ARHGAP44: variants seen among roughly 807,000 people sequenced by gnomAD.
The protein encoded by ARHGAP44 is rho GTPase-activating protein 44.
In ARHGAP44, 43 loss-of-function variants were observed where a neutral mutation model predicts 106.8. That is an observed-to-expected ratio of 0.40 (90% CI 0.32 to 0.52). ARHGAP44 has a LOEUF of 0.52. ARHGAP44 is among the 20% of genes least tolerant of loss of function. ARHGAP44 has a pLI of 0.48. For missense variants in ARHGAP44, 866 were observed against 1,050.5 expected (o/e 0.82, Z 2.43); for synonymous variants, 439 against 410.3 (o/e 1.07, Z -0.85).
At chr17:12,979,930 A>G in intron 18 of ARHGAP44, 128 bp from the exon 19 acceptor site, 1 of 1,053,432 alleles carries the variant, frequency 9.5e-7, no homozygotes, top group Non-Finnish European at 1.3e-6. Context: ...GAAGGGGCCA[A>G]GACAGACCAG....
At chr17:12,950,950 A>G (rs922716685) in intron 12 of ARHGAP44, among the ~76,000 whole-genome samples, 2 of 152,168 alleles carry the variant, frequency 1.3e-5, no homozygotes, top group African/African-American at 4.8e-5. Context: ...TTTTTGAAGA[A>G]CTGGGCCTGA....
At chr17:12,873,556 A>G (rs557649826) in intron 1 of ARHGAP44, among the ~76,000 whole-genome samples, 1 of 152,348 alleles carries the variant, frequency 6.6e-6, no homozygotes, top group South Asian at 2.1e-4. Flanking sequence ...CTGCAAGTAT[A>G]TGAAACTAGA....
Position 12,990,895 on chromosome 17 carries a change from G to C in ARHGAP44, c.*724G>C, listed in dbSNP as rs559091106. On this transcript the variant is annotated 3_prime_UTR_variant, in exon 21 of 21. Transcript: ENST00000379672. ...CAAACAAGCCTGACAGTGTCTGGAGGAGCCAAAGGTGGCCTCCCTGTCCCC... is the reference window on the plus strand; with the variant it reads ...CAAACAAGCCTGACAGTGTCTGGAGCAGCCAAAGGTGGCCTCCCTGTCCCC... The C allele has an allele frequency of 1.3e-5, 2 of 152,572 alleles. No individual in the cohort carries two copies. The highest frequency in any genetic ancestry group is 4.8e-5 in the African/African-American group (2 of 41,552). 9.5% of individuals were successfully genotyped at this position (152,572 alleles called of 1,614,324 possible).
At chr17:12,989,544 T>C (rs936467986) in intron 20 of ARHGAP44, among the ~76,000 whole-genome samples, 1 of 152,288 alleles carries the variant, frequency 6.6e-6, no homozygotes, top group East Asian at 1.9e-4. Flanking sequence ...ACTCCACCCA[T>C]GTCAGCCATC....
intron 10 of ARHGAP44, among the ~76,000 whole-genome samples, chr17:12,944,735 T>C (rs1567700882): frequency 6.6e-6 from 1 of 151,532 alleles, no homozygotes; most frequent in Admixed American, 6.6e-5. Context: ...GTGATCCACC[T>C]GCCATGGCCT....
intron 16 of ARHGAP44, among the ~76,000 whole-genome samples, chr17:12,960,756 G>A (rs2039242939): frequency 1.3e-5 from 2 of 151,740 alleles, no homozygotes; most frequent in Admixed American, 6.6e-5. Flanking sequence ...TAGAGATGGG[G>A]TTTTACCATG....
intron 3 of ARHGAP44, among the ~76,000 whole-genome samples, chr17:12,902,268 C>T (rs1209886464): frequency 6.6e-6 from 1 of 152,124 alleles, no homozygotes; most frequent in Admixed American, 6.5e-5. Context: ...TCACACTCCT[C>T]TTGGGCCATT....
chr17:12,953,723 C>T (rs1367517462), intron 13 of ARHGAP44, among the ~76,000 whole-genome samples: 1 of 152,092 alleles, frequency 6.6e-6, no homozygotes, highest in Non-Finnish European at 1.5e-5. Flanking sequence ...GGACGTTATG[C>T]TATGTGAAAG....
At chr17:12,901,645 G>C (rs893125192) in intron 3 of ARHGAP44, among the ~76,000 whole-genome samples, 5 of 152,086 alleles carry the variant, frequency 3.3e-5, no homozygotes, top group African/African-American at 1.2e-4. Flanking sequence ...CCAAGTGACT[G>C]TTGAATCCAT....
At chr17:12,985,133 G>T (rs2039928438) in intron 20 of ARHGAP44, 3 of 546,960 alleles carry the variant, frequency 5.5e-6, no homozygotes, top group Non-Finnish European at 9.3e-6. Context: ...ATCTCTCTCG[G>T]TCTAAGCCCA....
intron 6 of ARHGAP44, among the ~76,000 whole-genome samples, chr17:12,926,436 T>A (rs897289262): frequency 2.5e-4 from 35 of 140,472 alleles, no homozygotes; most frequent in Non-Finnish European, 4.3e-4. Flanking sequence ...ATATAATATA[T>A]ATGTATATAC....
chr17:12,857,211 G>A (rs1274997878), intron 1 of ARHGAP44, among the ~76,000 whole-genome samples: 1 of 152,142 alleles, frequency 6.6e-6, no homozygotes, highest in African/African-American at 2.4e-5. Context: ...TGCTTAGGCC[G>A]AAGTGGCTGA....
Position 12,876,057 on chromosome 17 carries a change from A to C in ARHGAP44, c.54-18883A>C, listed in dbSNP as rs552752205. On this transcript the variant is annotated intron_variant, in intron 1 of 20. Transcript: ENST00000379672. ...TAACTGCTTTCTCGAGCTAGAAAAC[A>C]CCTTGCCTGAGAGCATATCTTGGAT... Among the ~76,000 whole-genome samples, 3 of 152,178 alleles carry C rather than the reference A, an allele frequency of 2.0e-5. No individual in the cohort carries two copies. In the South Asian group the frequency reaches 6.2e-4, roughly 32 times the overall value.
intron 1 of ARHGAP44, among the ~76,000 whole-genome samples, chr17:12,838,977 G>C (rs949398882): frequency 6.6e-6 from 1 of 152,128 alleles, no homozygotes; most frequent in Non-Finnish European, 1.5e-5. Context: ...AGAGTGCTGG[G>C]ATTACAGACG....
chr17:12,874,092 C>T (rs2150887449), intron 1 of ARHGAP44, among the ~76,000 whole-genome samples: 1 of 152,258 alleles, frequency 6.6e-6, no homozygotes, highest in Middle Eastern at 3.4e-3. Flanking sequence ...GCCATTTCTG[C>T]AGTTCTCTGT....
chr17:12,793,306 A>T (rs554120080), intron 1 of ARHGAP44, among the ~76,000 whole-genome samples: 1 of 152,260 alleles, frequency 6.6e-6, no homozygotes, highest in East Asian at 1.9e-4. Context: ...ATTGAATTAT[A>T]TGCACTATGG....
chr17:12,972,428 A>AC (rs2039549650), intron 16 of ARHGAP44, among the ~76,000 whole-genome samples: 1 of 151,836 alleles, frequency 6.6e-6, no homozygotes, highest in East Asian at 2.0e-4. Context: ...CGAATGGATC[A>AC]CCTGAGGTCA....
At chr17:12,835,097 C>T (rs757104343) in intron 1 of ARHGAP44, among the ~76,000 whole-genome samples, 3 of 152,100 alleles carry the variant, frequency 2.0e-5, no homozygotes, top group Non-Finnish European at 4.4e-5. Context: ...TGTGTGATGT[C>T]GAGAAAGAAC....
At chr17:12,853,867 T>A (rs1384476513) in intron 1 of ARHGAP44, among the ~76,000 whole-genome samples, 1 of 152,216 alleles carries the variant, frequency 6.6e-6, no homozygotes, top group Admixed American at 6.5e-5. Flanking sequence ...TTCTTCCTAG[T>A]GGACTCTTCA....
Sources: gnomAD v4.1 joint callset for allele counts (sites outside exome capture counted in the v4.1 genomes callset) on GRCh38, gnomAD v4.1.1 for gene constraint, MANE v1.5 for transcripts, NCBI Gene and HGNC (gene_info 2026-07-23, HGNC 2026-07-21) for gene names.